Variants in CNBD2 observed in about 807,000 individuals in gnomAD.
The protein encoded by CNBD2 is cyclic nucleotide binding domain containing 2.
CNBD2 carries 64 observed loss-of-function variants against 63.7 expected under a neutral mutation model. The ratio of observed to expected loss-of-function variants is 1.00; its 90% confidence interval spans 0.82 to 1.24. CNBD2 has a LOEUF of 1.24. Among genes scored for constraint, CNBD2 ranks in the 50% most tolerant of loss-of-function variants. CNBD2 has a pLI of 0.00. For synonymous variants in CNBD2, 229 were observed against 255.4 expected (o/e 0.90, Z 0.99); for missense variants, 691 against 713.5 (o/e 0.97, Z 0.36).
chr20:36,012,312 A>T (rs368069314), intron 10 of CNBD2, among the ~76,000 whole-genome samples: 2 of 150,824 alleles, frequency 1.3e-5, no homozygotes, highest in African/African-American at 2.5e-5. Context: ...AAAAAAAAAA[A>T]CCAAAACCCA....
chr20:35,964,275 G>A (rs2056328624), upstream of CNBD2, among the ~76,000 whole-genome samples: 2 of 152,004 alleles, frequency 1.3e-5, no homozygotes, highest in African/African-American at 4.8e-5. Context: ...CCGCCTCCTG[G>A]GTTCAAGCGA....
At chr20:35,989,438 A>G (rs1052366762) in intron 7 of CNBD2, among the ~76,000 whole-genome samples, 3 of 152,318 alleles carry the variant, frequency 2.0e-5, no homozygotes, top group African/African-American at 7.2e-5. Context: ...GCCAAGTACC[A>G]AGTGATTGGT....
chr20:36,004,679 G>T (rs1046978930), intron 8 of CNBD2, among the ~76,000 whole-genome samples: 1 of 151,432 alleles, frequency 6.6e-6, no homozygotes, highest in East Asian at 1.9e-4. Context: ...CAGTCCTCTC[G>T]CCTCTCCTGA....
intron 10 of CNBD2, among the ~76,000 whole-genome samples, 186 bp downstream of exon 10, chr20:36,011,443 A>C (rs1177751617): frequency 6.6e-6 from 1 of 152,092 alleles, no homozygotes; most frequent in African/African-American, 2.4e-5. Flanking sequence ...TCCCAGCACT[A>C]TGAGAGGCCG....
At chr20:36,001,504 C>A (rs529727580) in intron 8 of CNBD2, among the ~76,000 whole-genome samples, 2 of 150,396 alleles carry the variant, frequency 1.3e-5, no homozygotes, top group African/African-American at 2.4e-5. Context: ...CTGACCCCCC[C>A]ACCTCCCTCC....
chr20:36,011,400 G>T, intron 10 of CNBD2, 143 bp downstream of exon 10: 17 of 1,120,620 alleles, frequency 1.5e-5, no homozygotes, highest in Non-Finnish European at 2.0e-5. Flanking sequence ...GATGTGATAA[G>T]AATAGGCCGG....
At chr20:35,991,289 A>T (rs929207723) in intron 7 of CNBD2, among the ~76,000 whole-genome samples, 1 of 152,254 alleles carries the variant, frequency 6.6e-6, no homozygotes, top group East Asian at 1.9e-4. Context: ...TTATTTATAA[A>T]TTGTGTGTAA....
intron 9 of CNBD2, 108 bp downstream of exon 9, chr20:36,008,582 A>G: frequency 9.0e-7 from 1 of 1,110,604 alleles, no homozygotes; most frequent in East Asian, 2.6e-5. Context: ...AAGGTGGAGG[A>G]CACAGGTCAA....
chr20:36,011,940 T>G (rs2057067134), intron 10 of CNBD2, among the ~76,000 whole-genome samples: 1 of 151,928 alleles, frequency 6.6e-6, no homozygotes, highest in African/African-American at 2.4e-5. Flanking sequence ...GGCGAATCAC[T>G]TGAGGTCAGG....
At chr20:36,007,138 G>A (rs750721569) in intron 8 of CNBD2, among the ~76,000 whole-genome samples, 3 of 152,066 alleles carry the variant, frequency 2.0e-5, no homozygotes, top group Non-Finnish European at 2.9e-5. Context: ...GCAGTGAGCA[G>A]AGATCGCACC....
At chr20:35,999,367 C>T (rs1296707893) in intron 8 of CNBD2, among the ~76,000 whole-genome samples, 3 of 152,162 alleles carry the variant, frequency 2.0e-5, no homozygotes, top group South Asian at 2.1e-4. Flanking sequence ...CATCTATTCC[C>T]TTTTTCTTCT....
chr20:36,013,184 C>T (rs969457850), intron 10 of CNBD2, among the ~76,000 whole-genome samples: 2 of 151,988 alleles, frequency 1.3e-5, no homozygotes, highest in Non-Finnish European at 2.9e-5. Context: ...TTTGGGAGTA[C>T]GAGGCAGGTG....
At position 36,008,284 on chromosome 20, in the gene CNBD2, C is replaced by G. The variant is rs761657720; in HGVS notation, c.971-13C>G. Reference sequence around the variant, plus strand: ...AGATCCATAAGTATCTTTTCCTGTGCTTTCTCTAACAGAATACTCTCCTAT... The same window carrying G: ...AGATCCATAAGTATCTTTTCCTGTGGTTTCTCTAACAGAATACTCTCCTAT... On this transcript the variant is annotated splice_polypyrimidine_tract_variant and intron_variant, in intron 8 of 11. Transcript: ENST00000373973. 1 of 1,593,452 alleles carries G rather than the reference C, an allele frequency of 6.3e-7. No homozygotes were observed. The highest frequency in any genetic ancestry group is 2.2e-5 in the East Asian group (1 of 44,706).
chr20:35,988,462 C>G (rs879902312), intron 7 of CNBD2, among the ~76,000 whole-genome samples: 1 of 152,182 alleles, frequency 6.6e-6, no homozygotes. Flanking sequence ...TTAGCCACCA[C>G]ACCCAACCTT....
At chr20:35,987,366 T>G (rs1420532149) in intron 6 of CNBD2, 29 bp from the exon 7 acceptor site, 2 of 1,613,214 alleles carry the variant, frequency 1.2e-6, no homozygotes, top group Non-Finnish European at 1.7e-6. Context: ...GTGATGGAGT[T>G]GATGAATTCT....
intron 6 of CNBD2, among the ~76,000 whole-genome samples, chr20:35,985,253 C>T (rs930948902): frequency 2.0e-5 from 3 of 151,982 alleles, no homozygotes; most frequent in East Asian, 3.9e-4. Flanking sequence ...GAGTTGTGAT[C>T]GCATCACTGC....
intron 9 of CNBD2, among the ~76,000 whole-genome samples, chr20:36,009,841 A>G (rs1024890812): frequency 6.6e-6 from 1 of 152,138 alleles, no homozygotes; most frequent in African/African-American, 2.4e-5. Context: ...CAAAAACAAA[A>G]CAAAACCCCT....
Position 36,024,039 on chromosome 20 carries a change from A to G in CNBD2, c.1439+268A>G, listed in dbSNP as rs572699292. Among the ~76,000 whole-genome samples the G allele has an allele frequency of 3.9e-5, 6 of 152,346 alleles. No homozygotes were observed. In the East Asian group the frequency reaches 7.7e-4, roughly 20 times the overall value. ...GAAATATGGAGAAAGCCCTGCATTA[A>G]GATGTTCATTGCAGGGTTGGGTGCG... On this transcript the variant is annotated intron_variant, in intron 11 of 11. Transcript: ENST00000373973.
In CNBD2 at chr20:36,010,497, G is replaced by A. The variant is rs146909378; in HGVS notation, c.1149-640G>A. Among the ~76,000 whole-genome samples, 1,400 of 151,572 alleles carry A rather than the reference G, an allele frequency of 9.2e-3. 31 individuals carry two copies. The highest frequency in any genetic ancestry group is 0.031 in the African/African-American group (1,300 of 41,374). On this transcript the variant is annotated intron_variant, in intron 9 of 11. Coordinates refer to ENST00000373973, the MANE Select transcript of CNBD2 (RefSeq NM_001365709.1). ...AGAAATTCCTTCCTCTTGGCTGGGC[G>A]CAGTGGCTTACGCCTATAATCCCAG...
Sources: gnomAD v4.1 joint callset for allele counts (sites outside exome capture counted in the v4.1 genomes callset) on GRCh38, gnomAD v4.1.1 for gene constraint, MANE v1.5 for transcripts, NCBI Gene and HGNC (gene_info 2026-07-23, HGNC 2026-07-21) for gene names.